VAC14: variants seen among roughly 807,000 people sequenced by gnomAD.
The protein encoded by VAC14 is VAC14 component of PIKFYVE complex, also known as protein VAC14 homolog.
A neutral mutation model predicts 85.3 loss-of-function variants in VAC14; 47 were observed. The observed-to-expected ratio is 0.55, with a 90% CI of 0.44 to 0.70. The LOEUF is 0.70. Ranked by LOEUF, VAC14 falls within the 30% of genes least tolerant of loss-of-function variation. VAC14 has a pLI of 0.00. For synonymous variants in VAC14, 447 were observed against 430.5 expected (o/e 1.04, Z -0.47); for missense variants, 861 against 1,004.3 (o/e 0.86, Z 1.93).
chr16:70,783,638 G>A, intron 5 of VAC14, 84 bp from the exon 6 acceptor site: 1 of 1,369,552 alleles, frequency 7.3e-7, no homozygotes, highest in Non-Finnish European at 1.0e-6. Context: ...TGGGCTGTAG[G>A]AAGGGGACCC....
At chr16:70,713,229 C>A (rs557691380) in intron 14 of VAC14, among the ~76,000 whole-genome samples, 1 of 152,320 alleles carries the variant, frequency 6.6e-6, no homozygotes, top group East Asian at 1.9e-4. Flanking sequence ...GAATCGCCAG[C>A]AGATGAGGAA....
intron 18 of VAC14, chr16:70,691,251 T>G: frequency 1.0e-6 from 1 of 985,434 alleles, no homozygotes; most frequent in Non-Finnish European, 1.2e-6. Flanking sequence ...CGGGAGAGGC[T>G]GGGCTGGCTC....
intron 1 of VAC14, among the ~76,000 whole-genome samples, chr16:70,788,379 C>A (rs987946307): frequency 6.6e-6 from 1 of 152,148 alleles, no homozygotes; most frequent in Non-Finnish European, 1.5e-5. Flanking sequence ...GGCTGGTGGA[C>A]GTTGGAGAGG....
Position 70,744,592 on chromosome 16 carries a change from G to A in VAC14, c.1372-13C>T. 6.3e-7 allele frequency: 1 copy of A among 1,582,564 alleles called. No homozygotes were observed. The highest frequency in any genetic ancestry group is 8.6e-7 in the Non-Finnish European group (1 of 1,165,480). ...CCTTCAGGATCACCTGGGGAGAGAA[G>A]CGGGGCAGGAGGGATGAGCTCTCCG... On this transcript the variant is annotated splice_polypyrimidine_tract_variant and intron_variant, in intron 12 of 18. Transcript: ENST00000261776.
chr16:70,731,149 C>T, intron 14 of VAC14: 1 of 425,408 alleles, frequency 2.4e-6, no homozygotes, highest in African/African-American at 2.1e-5. Flanking sequence ...GCCTGGAGCA[C>T]AGCCCCATGT....
intron 14 of VAC14, among the ~76,000 whole-genome samples, chr16:70,719,199 T>G (rs1239000196): frequency 6.6e-6 from 1 of 152,076 alleles, no homozygotes; most frequent in Non-Finnish European, 1.5e-5. Context: ...TGTCAAGAAT[T>G]AAGAAAAAAC....
chr16:70,692,640 T>C (rs963702450), intron 18 of VAC14, among the ~76,000 whole-genome samples, 181 bp downstream of exon 18: 1 of 152,000 alleles, frequency 6.6e-6, no homozygotes, highest in Non-Finnish European at 1.5e-5. Context: ...TGCTCTGATG[T>C]GGACACAAGA....
chr16:70,691,699 G>T, intron 18 of VAC14: 1 of 985,438 alleles, frequency 1.0e-6, no homozygotes, highest in South Asian at 4.7e-5. Flanking sequence ...GCCGGTCTTG[G>T]TTGGGGCCAC....
At chr16:70,709,825 G>A (rs1427864100) in intron 14 of VAC14, among the ~76,000 whole-genome samples, 1 of 152,184 alleles carries the variant, frequency 6.6e-6, no homozygotes, top group Non-Finnish European at 1.5e-5. Flanking sequence ...CTGGTGCTCT[G>A]AACTGGCTGA....
At chr16:70,689,706 A>C in intron 18 of VAC14, 3 of 985,608 alleles carry the variant, frequency 3.0e-6, no homozygotes, top group Non-Finnish European at 3.6e-6. Context: ...AGCGGGGCTC[A>C]GCTGACTTTA....
intron 12 of VAC14, among the ~76,000 whole-genome samples, chr16:70,746,089 C>T (rs2030866195): frequency 6.6e-6 from 1 of 152,144 alleles, no homozygotes; most frequent in Non-Finnish European, 1.5e-5. Context: ...AGGCCTACCC[C>T]CTCAAAAGCC....
At chr16:70,730,685 C>T (rs1171543568) in intron 14 of VAC14, among the ~76,000 whole-genome samples, 1 of 149,002 alleles carries the variant, frequency 6.7e-6, no homozygotes, top group African/African-American at 2.5e-5. Flanking sequence ...GCAACGTCCA[C>T]CTCCCGGGTT....
intron 13 of VAC14, among the ~76,000 whole-genome samples, chr16:70,739,148 G>C (rs2030005495): frequency 6.6e-6 from 1 of 152,224 alleles, no homozygotes; most frequent in African/African-American, 2.4e-5. Flanking sequence ...AGGCACCCCA[G>C]CACCTGGTTT....
At chr16:70,691,844 G>A in intron 18 of VAC14, 1 of 985,398 alleles carries the variant, frequency 1.0e-6, no homozygotes, top group African/African-American at 1.7e-5. Context: ...AGGGCACAGG[G>A]CCTCCGGGCA....
chr16:70,711,505 G>C (rs1002839323), intron 14 of VAC14, among the ~76,000 whole-genome samples: 1 of 151,800 alleles, frequency 6.6e-6, no homozygotes, highest in Non-Finnish European at 1.5e-5. Flanking sequence ...TCACGGTCCC[G>C]AGCCTGCTGT....
chr16:70,724,571 C>T (rs2054374619), intron 14 of VAC14, among the ~76,000 whole-genome samples: 1 of 152,224 alleles, frequency 6.6e-6, no homozygotes, highest in Non-Finnish European at 1.5e-5. Flanking sequence ...CTGGGTCCCC[C>T]TGCCATTCCC....
chr16:70,728,579 C>T (rs1247072012), intron 14 of VAC14, among the ~76,000 whole-genome samples: 1 of 152,218 alleles, frequency 6.6e-6, no homozygotes, highest in Non-Finnish European at 1.5e-5. Flanking sequence ...CTTCACAGAG[C>T]CTCAGGCCCT....
intron 17 of VAC14, among the ~76,000 whole-genome samples, chr16:70,693,402 CG>C (rs1272769554): frequency 6.6e-6 from 1 of 152,174 alleles, no homozygotes; most frequent in Non-Finnish European, 1.5e-5. Flanking sequence ...CGTGCCAGCA[CG>C]GGAGAGCTAT....
intron 10 of VAC14, among the ~76,000 whole-genome samples, chr16:70,766,228 A>G (rs538596127): frequency 6.6e-6 from 1 of 151,896 alleles, no homozygotes; most frequent in South Asian, 2.1e-4. Flanking sequence ...CCACCAGTGC[A>G]CTAAGAATCC....
Sources: allele counts gnomAD v4.1 joint callset (sites outside exome capture counted in the v4.1 genomes callset), GRCh38; gene constraint gnomAD v4.1.1; transcripts MANE v1.5; gene names NCBI Gene and HGNC (gene_info 2026-07-23, HGNC 2026-07-21).